Variants in AXIN1 observed in about 807,000 individuals in gnomAD.
AXIN1 encodes the protein axin 1, also known as axin-1.
A neutral mutation model predicts 76.4 loss-of-function variants in AXIN1; 30 were observed. That is an observed-to-expected ratio of 0.39 (90% CI 0.29 to 0.53). The LOEUF (loss-of-function observed/expected upper bound fraction) is 0.53. AXIN1 is among the 20% of genes least tolerant of loss of function. The probability of loss-of-function intolerance (pLI) is 0.66; values close to 1 mark genes in which losing one functional copy is unlikely to be tolerated. For synonymous variants in AXIN1, 545 were observed against 501.4 expected (o/e 1.09, Z -1.16); for missense variants, 1,140 against 1,198.8 (o/e 0.95, Z 0.72).
rs2052986327 is a variant in AXIN1, at chr16:305,198, T to G, written c.1117-757A>C. Among the ~76,000 whole-genome samples, 5 of 152,228 alleles carry G rather than the reference T, an allele frequency of 3.3e-5. No homozygotes were observed. The South Asian group carries it at 1.0e-3, about 32-fold the overall frequency. On this transcript the variant is annotated intron_variant, in intron 4 of 10. Coordinates refer to ENST00000262320, the MANE Select transcript of AXIN1 (RefSeq NM_003502.4). Reference sequence around the variant, plus strand: ...TTAAAAGAATCTAAAGGCCAGGTGGTGGCTCACGCCTACAGTCACAGCATT... The same window carrying G: ...TTAAAAGAATCTAAAGGCCAGGTGGGGGCTCACGCCTACAGTCACAGCATT...
In AXIN1 at chr16:345,926, T is replaced by C. The variant is rs551469746; in HGVS notation, c.878+222A>G. On this transcript the variant is annotated intron_variant, in intron 2 of 10. Coordinates refer to ENST00000262320, the MANE Select transcript of AXIN1 (RefSeq NM_003502.4). Reference sequence around the variant, plus strand: ...GTTCCTAATGACTCATAAAGTCATATATTTTAGTCTGTTCTCAGTAAAAGT... The same window carrying C: ...GTTCCTAATGACTCATAAAGTCATACATTTTAGTCTGTTCTCAGTAAAAGT... Among the ~76,000 whole-genome samples, 6 of 152,400 alleles carry C rather than the reference T, an allele frequency of 3.9e-5. No individual in the cohort carries two copies. The South Asian group carries it at 8.3e-4, about 21-fold the overall frequency.
At chr16:337,336 A>C (rs1405064391) in intron 2 of AXIN1, among the ~76,000 whole-genome samples, 1 of 151,934 alleles carries the variant, frequency 6.6e-6, no homozygotes, top group East Asian at 1.9e-4. Context: ...TTAAAAGCCC[A>C]CATATCCAAC....
intron 5 of AXIN1, chr16:299,055 C>T: frequency 1.0e-6 from 1 of 985,212 alleles, no homozygotes; most frequent in South Asian, 4.7e-5. Flanking sequence ...GCATGAGCCG[C>T]CGCGCCCGGC....
intron 4 of AXIN1, among the ~76,000 whole-genome samples, chr16:304,981 C>T (rs1016460141): frequency 4.6e-5 from 7 of 152,326 alleles, no homozygotes; most frequent in Middle Eastern, 6.8e-3. Context: ...CAGCGTCTCC[C>T]GACTACCAGA....
Position 287,453 on chromosome 16 carries a change from C to CA in AXIN1, c.*668dup, listed in dbSNP as rs912225792. On this transcript the variant is annotated 3_prime_UTR_variant, in exon 11 of 11. Transcript: ENST00000262320. ...ACCACAGCCAGGGCAGGTTCAAAAA[C>CA]AGTTTTATTTCATTATTATCCAAGT... 19 of 441,046 alleles carry CA rather than the reference C, an allele frequency of 4.3e-5. No individual in the cohort carries two copies. Among genetic ancestry groups the CA allele is most frequent in the African/African-American group, 3.6e-4 (18 of 50,390 alleles). 27.3% of individuals were successfully genotyped at this position (441,046 alleles called of 1,614,324 possible).
At chr16:347,956 G>A (rs944957632) in intron 1 of AXIN1, among the ~76,000 whole-genome samples, 3 of 152,204 alleles carry the variant, frequency 2.0e-5, no homozygotes, top group East Asian at 3.8e-4. Flanking sequence ...CAGAATAAAA[G>A]GAAATGCAAA....
intron 4 of AXIN1, among the ~76,000 whole-genome samples, chr16:306,054 A>G (rs576713070): frequency 6.6e-6 from 1 of 152,148 alleles, no homozygotes; most frequent in Non-Finnish European, 1.5e-5. Flanking sequence ...ACCTTCACCC[A>G]GATTCCCCAA....
intron 7 of AXIN1, among the ~76,000 whole-genome samples, chr16:295,481 T>C (rs372588582): frequency 6.6e-5 from 10 of 152,062 alleles, no homozygotes; most frequent in Admixed American, 3.3e-4. Flanking sequence ...TCCAGGAGGC[T>C]GAGACTGCAG....
rs2052496018 is a variant in AXIN1, at chr16:289,641, T to C, written c.2295-34A>G. 3 of 1,610,932 alleles carry C rather than the reference T, an allele frequency of 1.9e-6. No homozygotes were observed. The South Asian group carries it at 3.3e-5, about 18-fold the overall frequency. Reference sequence around the variant, plus strand: ...AGAGATGCAGCGGTGGTACCTGGTTTTGGACTGAGGTCCCACAGGGTCCCT... The same window carrying C: ...AGAGATGCAGCGGTGGTACCTGGTTCTGGACTGAGGTCCCACAGGGTCCCT... On this transcript the variant is annotated intron_variant, in intron 9 of 10. Coordinates refer to ENST00000262320, the MANE Select transcript of AXIN1 (RefSeq NM_003502.4).
intron 4 of AXIN1, among the ~76,000 whole-genome samples, chr16:306,297 A>G (rs1026115782): frequency 6.6e-6 from 1 of 152,206 alleles, no homozygotes; most frequent in African/African-American, 2.4e-5. Flanking sequence ...TGACCCTGAT[A>G]CAATAACATC....
chr16:351,364 C>A (rs2054139106), intron 1 of AXIN1, among the ~76,000 whole-genome samples: 1 of 152,168 alleles, frequency 6.6e-6, no homozygotes, highest in Non-Finnish European at 1.5e-5. Flanking sequence ...AATCCCAACA[C>A]TTTGGTAGGC....
intron 9 of AXIN1, 188 bp downstream of exon 9, chr16:290,999 CCTT>C: frequency 3.0e-6 from 2 of 656,122 alleles, no homozygotes; most frequent in South Asian, 3.4e-5. Flanking sequence ...GTCAGCGTCT[CCTT>C]TGATGGAGAC....
intron 2 of AXIN1, 115 bp downstream of exon 2, chr16:346,033 G>A: frequency 2.0e-6 from 2 of 1,010,234 alleles, no homozygotes; most frequent in South Asian, 1.4e-5. Flanking sequence ...TTCAACCCCA[G>A]CGGCAGCAGG....
chr16:319,683 C>T (rs1331422982), intron 2 of AXIN1, among the ~76,000 whole-genome samples: 1 of 152,224 alleles, frequency 6.6e-6, no homozygotes, highest in Non-Finnish European at 1.5e-5. Flanking sequence ...CCCGCGGCTG[C>T]TCCCACATCC....
intron 2 of AXIN1, among the ~76,000 whole-genome samples, chr16:324,590 T>C (rs1567291076): frequency 1.3e-5 from 2 of 152,166 alleles, no homozygotes; most frequent in Non-Finnish European, 2.9e-5. Context: ...CAGTAGGCGC[T>C]TCCAGTGTTA....
intron 2 of AXIN1, among the ~76,000 whole-genome samples, chr16:336,915 C>T (rs1259701711): frequency 1.3e-5 from 2 of 151,328 alleles, no homozygotes; most frequent in Admixed American, 6.6e-5. Context: ...TTTGGAAGGC[C>T]GAGGCTGGTG....
rs2054164757 is a variant in AXIN1 at position 352,383 on chromosome 16, G to A, written c.-96C>T. On this transcript the variant is annotated 5_prime_UTR_variant, in exon 1 of 11. Transcript: ENST00000262320. The stretch of plus-strand genomic sequence containing the variant: ...GCCCTACTCACCCGCGCGCGGTGGT[G>A]GCGGGACCCCGGGCCCGGCTCCCGG... The A allele has an allele frequency of 2.0e-6, 2 of 975,718 alleles. No individual in the cohort carries two copies. Among genetic ancestry groups the A allele is most frequent in the Admixed American group, 6.4e-5 (1 of 15,586 alleles). The allele number at this position is 975,718 out of a possible 1,614,324, so 60.4% of individuals were successfully genotyped here.
At chr16:327,503 C>T (rs1567293820) in intron 2 of AXIN1, among the ~76,000 whole-genome samples, 1 of 152,222 alleles carries the variant, frequency 6.6e-6, no homozygotes, top group African/African-American at 2.4e-5. Context: ...GCTGGTGCCC[C>T]CACCCACTCA....
chr16:323,176 A>C (rs988988913), intron 2 of AXIN1, among the ~76,000 whole-genome samples: 2 of 152,204 alleles, frequency 1.3e-5, no homozygotes, highest in African/African-American at 2.4e-5. Flanking sequence ...GCGGTGGCTC[A>C]TGCCTGTAAT....
Sources: allele counts gnomAD v4.1 joint callset (sites outside exome capture counted in the v4.1 genomes callset), GRCh38; gene constraint gnomAD v4.1.1; transcripts MANE v1.5; gene names NCBI Gene and HGNC (gene_info 2026-07-23, HGNC 2026-07-21).